Variants in HPSE2 observed in about 807,000 individuals in gnomAD.
HPSE2 encodes the protein inactive heparanase-2.
A neutral mutation model predicts 60.5 loss-of-function variants in HPSE2; 38 were observed. The ratio of observed to expected loss-of-function variants is 0.63; its 90% CI spans 0.48 to 0.82. The LOEUF (loss-of-function observed/expected upper bound fraction) is 0.82, where lower values mean the gene tolerates loss of function less well. HPSE2 is among the 40% of genes least tolerant of loss of function. HPSE2 has a pLI of 0.00. For missense variants in HPSE2, 713 were observed against 740.4 expected (o/e 0.96, Z 0.43); for synonymous variants, 295 against 293.2 (o/e 1.01, Z -0.06).
intron 3 of HPSE2, among the ~76,000 whole-genome samples, chr10:98,853,394 G>C (rs1952229967): frequency 2.0e-5 from 3 of 152,160 alleles, no homozygotes; most frequent in South Asian, 2.1e-4. Context: ...TATAATCCCA[G>C]TTCTCCCAGT....
chr10:99,044,261 T>C (rs958069463), intron 3 of HPSE2, among the ~76,000 whole-genome samples: 4 of 152,182 alleles, frequency 2.6e-5, no homozygotes, highest in African/African-American at 9.6e-5. Flanking sequence ...AAACTAAGCT[T>C]GAAATGTGAA....
At chr10:99,272,559 G>A in the HPSE2 span, among the ~76,000 whole-genome samples, 1 of 151,514 alleles carries the variant, frequency 6.6e-6, no homozygotes, top group Non-Finnish European at 1.5e-5. Context: ...AATCTATAAG[G>A]AACTTAAACA....
intron 3 of HPSE2, among the ~76,000 whole-genome samples, chr10:98,808,510 T>C (rs1951094166): frequency 6.6e-6 from 1 of 152,136 alleles, no homozygotes; most frequent in Non-Finnish European, 1.5e-5. Context: ...CTAAACACTT[T>C]TAGGAATTAA....
chr10:99,234,103 C>T (rs910877105), intron 1 of HPSE2, among the ~76,000 whole-genome samples: 6 of 152,218 alleles, frequency 3.9e-5, no homozygotes, highest in Non-Finnish European at 5.9e-5. Context: ...TTCGGACGAG[C>T]TCATAGACGC....
At chr10:99,120,490 T>G (rs988496980) in intron 3 of HPSE2, among the ~76,000 whole-genome samples, 5 of 151,258 alleles carry the variant, frequency 3.3e-5, no homozygotes, top group Non-Finnish European at 5.9e-5. Context: ...TTTTTTTTTT[T>G]GAGACAGAGT....
intron 3 of HPSE2, among the ~76,000 whole-genome samples, chr10:99,132,187 AAGAAAGAG>A (rs1564832678): frequency 7.9e-4 from 19 of 24,188 alleles, no homozygotes; most frequent in African/African-American, 1.6e-3. Context: ...GAAAGAAAGA[AAGAAAGAG>A]AGAGAGAGAG....
At chr10:99,106,630 T>G (rs1259797786) in intron 3 of HPSE2, among the ~76,000 whole-genome samples, 4 of 151,716 alleles carry the variant, frequency 2.6e-5, no homozygotes, top group Middle Eastern at 3.5e-3. Context: ...ATAATAATAA[T>G]AATAATATTA....
chr10:99,142,904 G>T (rs1451549558), intron 3 of HPSE2, among the ~76,000 whole-genome samples: 1 of 151,324 alleles, frequency 6.6e-6, no homozygotes, highest in Non-Finnish European at 1.5e-5. Flanking sequence ...GAATAAAGAT[G>T]GAATAAAAAT....
chr10:99,192,778 T>C (rs1265284064), intron 2 of HPSE2, among the ~76,000 whole-genome samples: 1 of 152,130 alleles, frequency 6.6e-6, no homozygotes, highest in African/African-American at 2.4e-5. Flanking sequence ...CCTAGAATAG[T>C]ATATTCAGCA....
At chr10:98,525,127 C>T (rs1444068359) in intron 9 of HPSE2, among the ~76,000 whole-genome samples, 1 of 152,224 alleles carries the variant, frequency 6.6e-6, no homozygotes, top group African/African-American at 2.4e-5. Context: ...TCTCCTGCCT[C>T]AGCCTCCTGT....
chr10:99,310,136 T>C, the HPSE2 span, among the ~76,000 whole-genome samples: 5 of 152,228 alleles, frequency 3.3e-5, no homozygotes, highest in African/African-American at 1.2e-4. Context: ...AGCTCCTTCT[T>C]ATAAGAACGC....
At chr10:99,096,213 A>G (rs1209771619) in intron 3 of HPSE2, among the ~76,000 whole-genome samples, 1 of 152,212 alleles carries the variant, frequency 6.6e-6, no homozygotes, top group East Asian at 1.9e-4. Context: ...ATAAATCTAT[A>G]AATTTAATAG....
At chr10:98,477,506 T>G (rs1007833912) in intron 11 of HPSE2, among the ~76,000 whole-genome samples, 7 of 152,254 alleles carry the variant, frequency 4.6e-5, no homozygotes, top group African/African-American at 1.7e-4. Context: ...GCCAATGTGA[T>G]GAAAGTTGCT....
At chr10:98,628,761 AT>A (rs1488444660) in intron 7 of HPSE2, among the ~76,000 whole-genome samples, 1 of 152,118 alleles carries the variant, frequency 6.6e-6, no homozygotes, top group African/African-American at 2.4e-5. Flanking sequence ...TTCTAGCTCC[AT>A]TCCTTCATAT....
chr10:99,134,151 G>T (rs1385748090), intron 3 of HPSE2, among the ~76,000 whole-genome samples: 1 of 151,630 alleles, frequency 6.6e-6, no homozygotes, highest in Admixed American at 6.6e-5. Flanking sequence ...TAATGAAATA[G>T]AGAAGACAAG....
In HPSE2 at chr10:98,843,519, CAG is replaced by C. The variant is rs374232206; in HGVS notation, c.611-99465_611-99464del. Among the ~76,000 whole-genome samples, 118 of 152,240 alleles carry C rather than the reference CAG, an allele frequency of 7.8e-4. 1 individual carries two copies. Among genetic ancestry groups the C allele is most frequent in the African/African-American group, 2.7e-3 (112 of 41,538 alleles). On this transcript the variant is annotated intron_variant, in intron 3 of 11. Coordinates refer to ENST00000370552, the MANE Select transcript of HPSE2 (RefSeq NM_021828.5). The stretch of plus-strand genomic sequence containing the variant: ...GAATTTGGGCACTTATGTTTGAAAA[CAG>C]AGATGTTTGGAAACTATATAAAATT...
At chr10:99,016,459 G>A (rs80045285) in intron 3 of HPSE2, among the ~76,000 whole-genome samples, 15,563 of 152,092 alleles carry the variant, frequency 0.1, 858 homozygotes, top group South Asian at 0.19. Context: ...TTTGAAGTCA[G>A]GTAGTCCTTC....
chr10:99,165,596 G>A (rs769620803), intron 2 of HPSE2, among the ~76,000 whole-genome samples: 2 of 151,734 alleles, frequency 1.3e-5, no homozygotes, highest in Non-Finnish European at 2.9e-5. Context: ...ACCCAGGCCG[G>A]AGTGCAGTGG....
intron 2 of HPSE2, among the ~76,000 whole-genome samples, chr10:99,196,287 A>G (rs1380488140): frequency 6.6e-6 from 1 of 152,158 alleles, no homozygotes; most frequent in Non-Finnish European, 1.5e-5. Context: ...TCTCTAGGAC[A>G]TTGGTCTGGG....
Sources: gnomAD v4.1 joint callset for allele counts (sites outside exome capture counted in the v4.1 genomes callset) on GRCh38, gnomAD v4.1.1 for gene constraint, MANE v1.5 for transcripts, NCBI Gene and HGNC (gene_info 2026-07-23, HGNC 2026-07-21) for gene names.